Variants in RAPGEF4 observed in about 807,000 individuals in gnomAD.
RAPGEF4 encodes Rap guanine nucleotide exchange factor 4.
RAPGEF4 carries 66 observed loss-of-function variants against 147.9 expected under a neutral mutation model. The ratio of observed to expected loss-of-function variants is 0.45; its 90% CI spans 0.37 to 0.55. The LOEUF (loss-of-function observed/expected upper bound fraction) is 0.55. RAPGEF4 is among the 20% of genes least tolerant of loss of function. RAPGEF4 has a pLI of 0.00. For synonymous variants in RAPGEF4, 419 were observed against 442.7 expected, an observed-to-expected ratio of 0.95 and a Z score of 0.67; for missense variants, 1,071 against 1,257.3, an observed-to-expected ratio of 0.85 and a Z score of 2.24.
Position 172,822,557 on chromosome 2 carries a change from C to A in RAPGEF4, c.444+8132C>A, listed in dbSNP as rs368698498. ...AAGATGATCAGGGGTCTGAGCAGAT[C>A]AAGGCTTGGCTGGCAAATGCCAGGA... On this transcript the variant is annotated intron_variant, in intron 4 of 30. Transcript: ENST00000397081. Among the ~76,000 whole-genome samples, 91 of 152,320 alleles carry A rather than the reference C, an allele frequency of 6.0e-4. No individual in the cohort carries two copies. In the South Asian group the frequency reaches 0.019, roughly 32 times the overall value.
chr2:173,048,693 G>T (rs1191273082), intron 30 of RAPGEF4, 39 bp downstream of exon 30: 1 of 1,613,326 alleles, frequency 6.2e-7, no homozygotes, highest in Non-Finnish European at 8.5e-7. Context: ...TGTAGATGTT[G>T]GTGATTAAGG....
chr2:172,797,959 T>G (rs1047289947), intron 3 of RAPGEF4, among the ~76,000 whole-genome samples: 2 of 152,214 alleles, frequency 1.3e-5, no homozygotes, highest in African/African-American at 4.8e-5. Flanking sequence ...GAAGTCTTCC[T>G]ATGTTTCCTC....
intron 7 of RAPGEF4, 72 bp from the exon 8 acceptor site, chr2:172,961,050 G>T: frequency 1.7e-6 from 2 of 1,191,468 alleles, no homozygotes; most frequent in Non-Finnish European, 1.2e-6. Flanking sequence ...GTGGTTTCAG[G>T]ATTTGTTTGG....
Position 172,881,028 on chromosome 2 carries a change from T to C in RAPGEF4, c.445-36774T>C, listed in dbSNP as rs143371640. On this transcript the variant is annotated intron_variant, in intron 4 of 30. Coordinates refer to ENST00000397081, the MANE Select transcript of RAPGEF4 (RefSeq NM_007023.4). ...AAATGGCTTCTATTTCCTGAAACAA[T>C]ATAATGAGCATCTCCATTTTAACTC... 3.3e-3 allele frequency among the ~76,000 whole-genome samples: 500 copies of C among 152,264 alleles called. 2 individuals carry two copies. The highest frequency in any genetic ancestry group is 0.011 in the African/African-American group (467 of 41,544).
intron 4 of RAPGEF4, among the ~76,000 whole-genome samples, chr2:172,875,980 C>A (rs1451126022): frequency 6.6e-6 from 1 of 152,072 alleles, no homozygotes; most frequent in Non-Finnish European, 1.5e-5. Flanking sequence ...AAGCTGGATT[C>A]CTAGGTATTT....
chr2:172,765,526 C>T (rs1387491293), intron 1 of RAPGEF4, among the ~76,000 whole-genome samples: 1 of 152,184 alleles, frequency 6.6e-6, no homozygotes, highest in Non-Finnish European at 1.5e-5. Context: ...AGTGTCTTGC[C>T]ATCTCTCACA....
intron 4 of RAPGEF4, among the ~76,000 whole-genome samples, chr2:172,847,386 A>G (rs1020617164): frequency 6.6e-6 from 1 of 152,184 alleles, no homozygotes; most frequent in Non-Finnish European, 1.5e-5. Flanking sequence ...GATGCCAGAG[A>G]TGGTGACAGC....
chr2:173,024,460 G>A lies in RAPGEF4; in HGVS notation c.2254-2112G>A, dbSNP rs577989269. Among the ~76,000 whole-genome samples, 44 of 151,508 alleles carry A rather than the reference G, an allele frequency of 2.9e-4. 1 individual carries two copies. In the East Asian group the frequency reaches 5.7e-3, roughly 20 times the overall value. ...TCTCGATCTCCTGACCTCGTGATCC[G>A]CCCGCCTCGGCCTCCCAAAGTGCTG... On this transcript the variant is annotated intron_variant, in intron 23 of 30. Coordinates refer to ENST00000397081, the MANE Select transcript of RAPGEF4 (RefSeq NM_007023.4).
intron 18 of RAPGEF4, among the ~76,000 whole-genome samples, chr2:173,015,656 G>C (rs527910101): frequency 6.6e-6 from 1 of 152,214 alleles, no homozygotes; most frequent in Non-Finnish European, 1.5e-5. Flanking sequence ...ATGAACTAAA[G>C]TGGTGGTGTA....
intron 1 of RAPGEF4, among the ~76,000 whole-genome samples, chr2:172,744,613 A>G (rs922938641): frequency 6.6e-6 from 1 of 152,204 alleles, no homozygotes; most frequent in Non-Finnish European, 1.5e-5. Context: ...CCTGTAGACA[A>G]TCTTGAATGT....
At chr2:172,771,635 A>C (rs1001646236) in intron 1 of RAPGEF4, among the ~76,000 whole-genome samples, 4 of 152,106 alleles carry the variant, frequency 2.6e-5, no homozygotes, top group Non-Finnish European at 5.9e-5. Context: ...TATGAGGTAA[A>C]GGTCTCACTA....
At chr2:173,034,395 A>T (rs1041164635) in intron 27 of RAPGEF4, among the ~76,000 whole-genome samples, 2 of 152,098 alleles carry the variant, frequency 1.3e-5, no homozygotes, top group Admixed American at 1.3e-4. Context: ...CAGGGCAGAG[A>T]GTGAGTGAGC....
chr2:172,849,900 C>G (rs1692618275), intron 4 of RAPGEF4, among the ~76,000 whole-genome samples: 1 of 152,236 alleles, frequency 6.6e-6, no homozygotes, highest in Non-Finnish European at 1.5e-5. Context: ...CCATGTGCCT[C>G]TCTACTGGTC....
chr2:172,772,636 A>T (rs1683738662), intron 1 of RAPGEF4, among the ~76,000 whole-genome samples: 1 of 152,152 alleles, frequency 6.6e-6, no homozygotes, highest in South Asian at 2.1e-4. Context: ...GAGCCACCGC[A>T]CCCAGCTAAA....
intron 6 of RAPGEF4, among the ~76,000 whole-genome samples, chr2:172,937,037 CAAAAAAAA>C (rs34104170): frequency 3.0e-3 from 156 of 52,598 alleles, no homozygotes; most frequent in African/African-American, 0.012. Flanking sequence ...CCTCTCTCTG[CAAAAAAAA>C]AAAAAAAAAA....
At chr2:172,954,330 G>T (rs2105410742) in intron 6 of RAPGEF4, among the ~76,000 whole-genome samples, 1 of 152,236 alleles carries the variant, frequency 6.6e-6, no homozygotes, top group Middle Eastern at 3.4e-3. Context: ...GTGGCAGTTT[G>T]CTTTGCAACC....
chr2:172,926,013 CGGAGGGAGGGAG>C (rs1216575540), intron 6 of RAPGEF4, among the ~76,000 whole-genome samples: 1 of 65,020 alleles, frequency 1.5e-5, no homozygotes, highest in African/African-American at 6.3e-5. Flanking sequence ...AAAGAAAGGA[CGGAGGGAGGGAG>C]GGAGGGACGG....
intron 4 of RAPGEF4, among the ~76,000 whole-genome samples, chr2:172,913,713 A>G (rs1683710420): frequency 6.6e-6 from 1 of 152,118 alleles, no homozygotes; most frequent in Admixed American, 6.5e-5. Context: ...TTGATGTCTT[A>G]CTGGTAGAAT....
intron 1 of RAPGEF4, among the ~76,000 whole-genome samples, chr2:172,749,695 C>A (rs1173609828): frequency 1.3e-5 from 2 of 152,324 alleles, no homozygotes; most frequent in South Asian, 2.1e-4. Context: ...ATGCAAATTT[C>A]TGCAGCCAGC....
Sources: allele counts gnomAD v4.1 joint callset (sites outside exome capture counted in the v4.1 genomes callset), GRCh38; gene constraint gnomAD v4.1.1; transcripts MANE v1.5; gene names NCBI Gene and HGNC (gene_info 2026-07-23, HGNC 2026-07-21).